Variants in INF2 observed in about 807,000 individuals in gnomAD.
INF2 encodes the protein inverted formin 2, also known as inverted formin-2.
In INF2, 43 loss-of-function variants were observed where a neutral mutation model predicts 123.5. The observed-to-expected ratio is 0.35, with a 90% confidence interval of 0.27 to 0.45. The LOEUF is 0.45. Among genes scored for constraint, INF2 ranks in the 20% least tolerant of loss-of-function variants. The probability of loss-of-function intolerance (pLI) is 1.00; values close to 1 mark genes in which losing one functional copy is unlikely to be tolerated. For missense variants in INF2, 1,453 were observed against 1,682.7 expected, an observed-to-expected ratio of 0.86 and a Z score of 2.39; for synonymous variants, 851 against 745.0, an observed-to-expected ratio of 1.14 and a Z score of -2.32.
chr14:104,704,000 C>G (rs1258085990), intron 5 of INF2, 51 bp downstream of exon 5: 2 of 1,604,384 alleles, frequency 1.2e-6, no homozygotes, highest in Non-Finnish European at 1.7e-6. Context: ...GCTCCCAAGG[C>G]CAGGCCCACC....
rs1890570820 is a variant in INF2 at position 104,722,106 on chromosome 14, G to C, written c.*3313G>C. The C allele has an allele frequency of 6.6e-6, 1 of 152,422 alleles. No individual in the cohort carries two copies. Among genetic ancestry groups the C allele is most frequent in the Non-Finnish European group, 1.5e-5 (1 of 68,162 alleles). 9.4% of individuals were successfully genotyped at this position (152,422 alleles called of 1,614,324 possible). A position where few individuals can be genotyped will look rare whatever the true frequency, so the allele number is the denominator to read the frequency against. ...GGTGGCTCCCGTGCTGCCCACACCTGGGGACAGGCCCACTGTGGGGGGTAA... is the reference window on the plus strand; with the variant it reads ...GGTGGCTCCCGTGCTGCCCACACCTCGGGACAGGCCCACTGTGGGGGGTAA... On this transcript the variant is annotated 3_prime_UTR_variant, in exon 23 of 23. Transcript: ENST00000392634.
rs140017506 is a variant in INF2, at chr14:104,703,396, C to T, written c.609C>T (p.Ala203=). The T allele has an allele frequency of 7.2e-5, 116 of 1,612,950 alleles. No homozygotes were observed. Among genetic ancestry groups the T allele is most frequent in the African/African-American group, 5.6e-4 (42 of 75,056 alleles). Residue 203 remains alanine, a synonymous_variant, in exon 4 of 23, where the codon GCC becomes GCT. Transcript: ENST00000392634. The part of the protein sequence containing the change: ...YVVTLLSVIN[A]VILGPEDLRA... ...TCACCCTGCTTAGCGTGATCAACGC[C>T]GTCATCTTGGGCCCCGAGGACCTGC...
upstream of INF2, among the ~76,000 whole-genome samples, chr14:104,687,390 AG>A (rs1888689610): frequency 6.6e-6 from 1 of 152,066 alleles, no homozygotes; most frequent in Middle Eastern, 3.4e-3. The surrounding 1 kb of genome is among the most constrained non-coding windows in gnomAD (Gnocchi z 5.6). Flanking sequence ...GGTGGGTTCA[AG>A]CCTGACGGAA....
intron 1 of INF2, among the ~76,000 whole-genome samples, chr14:104,691,853 C>T (rs902796510): frequency 1.1e-4 from 16 of 152,178 alleles, no homozygotes; most frequent in African/African-American, 3.9e-4. Flanking sequence ...TGCCTCTGAG[C>T]ACCCAGACAG....
chr14:104,711,583 G>A, intron 15 of INF2, 46 bp from the exon 16 acceptor site: 1 of 1,541,772 alleles, frequency 6.5e-7, no homozygotes, highest in Non-Finnish European at 9.0e-7. Context: ...ATCCCCAGGT[G>A]GAGAGTATGA....
chr14:104,701,766 A>G lies in INF2; in HGVS notation c.391+10A>G. The G allele has an allele frequency of 2.0e-6, 3 of 1,486,838 alleles. No homozygotes were observed. Among genetic ancestry groups the G allele is most frequent in the Non-Finnish European group, 2.7e-6 (3 of 1,118,392 alleles). 92.1% of individuals were successfully genotyped at this position (1,486,838 alleles called of 1,614,324 possible). The stretch of plus-strand genomic sequence containing the variant: ...CGCCAGCTCTCCCAGGGTGAGCCGC[A>G]GTGTGGGAGGGCCGCCCAGGCGGAC... On this transcript the variant is annotated intron_variant, in intron 2 of 22. Coordinates refer to ENST00000392634, the MANE Select transcript of INF2 (RefSeq NM_022489.4).
In INF2 at chr14:104,707,385, C is replaced by A; in HGVS notation, c.1118C>A (p.Pro373Gln). The stretch of plus-strand genomic sequence containing the variant: ...GACCAGAGCCAGAGGGGCAGCTCCC[C>A]GCAAAACACTACAACCCCCAAGCCC... ...NLDQSQRGSS[P>Q]QNTTTPKPSV... The change falls in exon 8 of 23, where the codon CCG becomes CAG. Residue 373 changes from proline to glutamine, a missense_variant. Coordinates refer to ENST00000392634, the MANE Select transcript of INF2 (RefSeq NM_022489.4). 2 of 1,591,844 alleles carry A rather than the reference C, an allele frequency of 1.3e-6. No individual in the cohort carries two copies. The highest frequency in any genetic ancestry group is 4.6e-5 in the East Asian group (2 of 43,386).
intron 22 of INF2, among the ~76,000 whole-genome samples, 170 bp downstream of exon 22, chr14:104,715,510 C>T (rs1015684413): frequency 2.6e-5 from 4 of 152,188 alleles, no homozygotes; most frequent in Non-Finnish European, 4.4e-5. Context: ...CTTCCCGCCC[C>T]ATCCCCTCCC....
At chr14:104,716,049 T>G in intron 22 of INF2, 1 of 435,482 alleles carries the variant, frequency 2.3e-6, no homozygotes, top group Non-Finnish European at 4.6e-6. Context: ...GGCCAATGCA[T>G]CCAGCTAGAC....
rs747919341 is a variant in INF2, at chr14:104,707,865, G to A, written c.1598G>A (p.Gly533Asp). The A allele has an allele frequency of 3.1e-6, 5 of 1,606,456 alleles. No homozygotes were observed. The South Asian group carries it at 4.4e-5, about 14-fold the overall frequency. Reference sequence around the variant, plus strand: ...ACCTGCAGCCCCCCCGTGGCGGGAGGCATGGAGGAGGTCATCGTGGCCCAG... The same window carrying A: ...ACCTGCAGCCCCCCCGTGGCGGGAGACATGGAGGAGGTCATCGTGGCCCAG... ...PCTCSPPVAG[G>D]MEEVIVAQVD... The change falls in exon 8 of 23, where the codon GGC (glycine) becomes GAC (aspartate). Residue 533 changes from glycine (G) to aspartate (D), a missense_variant. By Grantham distance (94) the Gly-to-Asp change is moderately conservative. Around this residue, in one of 8 missense-constraint regions of INF2, gnomAD observed 374 missense variants for 303.7 expected, o/e 1.23. Coordinates refer to ENST00000392634, the MANE Select transcript of INF2 (RefSeq NM_022489.4).
rs955253099 is a variant in INF2, at chr14:104,719,118, G to A, written c.*325G>A. Reference sequence around the variant, plus strand: ...CCAAGGGCCAGTCGGGGGGTGCTGCGTCCTGCCAGTGTCCACCACAGCTCT... The same window carrying A: ...CCAAGGGCCAGTCGGGGGGTGCTGCATCCTGCCAGTGTCCACCACAGCTCT... On this transcript the variant is annotated 3_prime_UTR_variant, in exon 23 of 23. Coordinates refer to ENST00000392634, the MANE Select transcript of INF2 (RefSeq NM_022489.4). 2.9e-4 allele frequency: 131 copies of A among 453,220 alleles called. No homozygotes were observed. The highest frequency in any genetic ancestry group is 3.1e-4 in the Non-Finnish European group (79 of 256,312). 28.1% of individuals were successfully genotyped at this position (453,220 alleles called of 1,614,324 possible).
chr14:104,708,467 C>T lies in INF2; in HGVS notation c.1767C>T (p.Ser589=). Residue 589 remains serine (S), a synonymous_variant, in exon 9 of 23, where the codon AGC becomes AGT. Transcript: ENST00000392634. ...EHNSMWASLS[S]PDAEAVEPDF... ...ACTCTATGTGGGCGTCCCTGAGCAG[C>T]CCCGACGCCGAGGCTGTGGAGCCCG... 6.2e-7 allele frequency: 1 copy of T among 1,612,504 alleles called. No homozygotes were observed. The highest frequency in any genetic ancestry group is 8.5e-7 in the Non-Finnish European group (1 of 1,179,816).
At chr14:104,704,326 C>T in intron 5 of INF2, 3 of 484,708 alleles carry the variant, frequency 6.2e-6, no homozygotes, top group East Asian at 9.3e-5. Flanking sequence ...GAGACAGGGA[C>T]ACGGGCTCCA....
Position 104,706,921 on chromosome 14 carries a change from C to T in INF2, c.855C>T (p.Ser285=). The stretch of plus-strand genomic sequence containing the variant: ...ACTCGCCCGTCCAGGTGAGCTGCTC[C>T]CCGGTGTCTGCCCAGCTCCTGTCGG... ...FASLFHKVSC[S]PVSAQLLSVL... The change falls in exon 7 of 23, where the codon TCC becomes TCT. Residue 285 remains serine (S), a synonymous_variant. Transcript: ENST00000392634. The T allele has an allele frequency of 6.2e-7, 1 of 1,604,402 alleles. No homozygotes were observed. Among genetic ancestry groups the T allele is most frequent in the South Asian group, 1.1e-5 (1 of 91,014 alleles).
intron 8 of INF2, 187 bp downstream of exon 8, chr14:104,708,189 G>A (rs1014968194): frequency 2.0e-5 from 20 of 1,003,212 alleles, no homozygotes; most frequent in Non-Finnish European, 2.9e-5. Flanking sequence ...GCAGGGCAGG[G>A]GCTACCTCTG....
upstream of INF2, chr14:104,684,997 C>T (rs1199486183): frequency 6.6e-6 from 1 of 152,224 alleles, no homozygotes; most frequent in Non-Finnish European, 1.5e-5. This position sits in a 1 kb window ranked among gnomAD's most constrained non-coding sequence, Gnocchi z 5.0. Flanking sequence ...CACATCATCT[C>T]AAAAGCAAGT....
chr14:104,709,782 C>G (rs1889957908), intron 12 of INF2, 77 bp downstream of exon 12: 2 of 1,307,306 alleles, frequency 1.5e-6, no homozygotes, highest in South Asian at 1.2e-5. Flanking sequence ...CAGGGCCCAG[C>G]CAGGGAGGAG....
intron 1 of INF2, among the ~76,000 whole-genome samples, chr14:104,692,837 TC>T (rs2140602966): frequency 6.6e-6 from 1 of 152,348 alleles, no homozygotes; most frequent in Non-Finnish European, 1.5e-5. Context: ...CTTTCCTCTT[TC>T]GCCTGCAGCT....
intron 7 of INF2, 69 bp downstream of exon 7, chr14:104,707,120 G>T: frequency 3.3e-6 from 5 of 1,519,208 alleles, no homozygotes; most frequent in Non-Finnish European, 4.4e-6. Flanking sequence ...ACCATGGGGG[G>T]GGGAGCCTGC....
Sources: gnomAD v4.1 joint callset for allele counts (sites outside exome capture counted in the v4.1 genomes callset) on GRCh38, gnomAD v4.1.1 for gene constraint, gnomAD v4.1.1 regional missense constraint, Gnocchi (gnomAD v3.1) non-coding constraint, MANE v1.5 for transcripts, NCBI Gene and HGNC (gene_info 2026-07-23, HGNC 2026-07-21) for gene names.